The following KMT2E variants were observed in gnomAD, a reference collection of about 807,000 sequenced individuals.
The protein encoded by KMT2E is lysine methyltransferase 2E (inactive).
A neutral mutation model predicts 184.6 loss-of-function variants in KMT2E; 30 were observed. The ratio of observed to expected loss-of-function variants is 0.16; its 90% CI spans 0.12 to 0.22. KMT2E has a LOEUF of 0.22. KMT2E is among the 10% of genes least tolerant of loss of function. The probability of loss-of-function intolerance (pLI) is 1.00; values close to 1 mark genes in which losing one functional copy is unlikely to be tolerated. For synonymous variants in KMT2E, 815 were observed against 776.5 expected (o/e 1.05, Z -0.82); for missense variants, 2,023 against 2,237.4 (o/e 0.90, Z 1.93).
intron 1 of KMT2E, among the ~76,000 whole-genome samples, chr7:105,025,710 A>G (rs1346315319): frequency 6.6e-6 from 1 of 152,178 alleles, no homozygotes; most frequent in African/African-American, 2.4e-5. Flanking sequence ...ATATTATTCT[A>G]CTAAGTATTA....
intron 1 of KMT2E, among the ~76,000 whole-genome samples, chr7:105,020,182 G>C (rs1321080022): frequency 6.6e-6 from 1 of 151,646 alleles, no homozygotes; most frequent in African/African-American, 2.4e-5. Context: ...TGAGAAAGAT[G>C]ATATTGTGTA....
rs569517503 is a variant in KMT2E at position 105,102,778 on chromosome 7, A to G, written c.2196+584A>G. ...TACAGCAGATTGGGGCAGAGATACTAAAGTGTGGTAATCCTTATGCTGTTT... is the reference window on the plus strand; with the variant it reads ...TACAGCAGATTGGGGCAGAGATACTGAAGTGTGGTAATCCTTATGCTGTTT... On this transcript the variant is annotated intron_variant, in intron 17 of 26. Coordinates refer to ENST00000311117, the MANE Select transcript of KMT2E (RefSeq NM_182931.3). The G allele has an allele frequency of 3.3e-5, 5 of 152,820 alleles. No individual in the cohort carries two copies. In the East Asian group the frequency reaches 7.7e-4, roughly 23 times the overall value. 9.5% of individuals were successfully genotyped at this position (152,820 alleles called of 1,614,324 possible).
intron 1 of KMT2E, among the ~76,000 whole-genome samples, chr7:105,019,290 G>A (rs1373345479): frequency 6.6e-6 from 1 of 152,090 alleles, no homozygotes; most frequent in Non-Finnish European, 1.5e-5. Flanking sequence ...GAGATAACAT[G>A]TTTTCACTTG....
intron 3 of KMT2E, among the ~76,000 whole-genome samples, chr7:105,061,041 A>G (rs578104214): frequency 2.6e-5 from 4 of 152,268 alleles, no homozygotes; most frequent in East Asian, 3.9e-4. Context: ...ACTCTTCACA[A>G]TCTCCTTTAG....
In KMT2E at chr7:105,077,341, A is replaced by T; in HGVS notation, c.1038A>T (p.Ala346=). ...AGAATAAGAAAATTCTTAAATCTGCAAAAGATTTGCCTCCTGATGCACTTA... is the reference window on the plus strand; with the variant it reads ...AGAATAAGAAAATTCTTAAATCTGCTAAAGATTTGCCTCCTGATGCACTTA... ...IQKNKKILKS[A]KDLPPDALII... The change falls in exon 11 of 27, where the codon GCA becomes GCT. Residue 346 remains alanine, a synonymous_variant. Coordinates refer to ENST00000311117, the MANE Select transcript of KMT2E (RefSeq NM_182931.3). 6.2e-7 allele frequency: 1 copy of T among 1,611,010 alleles called. No homozygotes were observed. The highest frequency in any genetic ancestry group is 2.2e-5 in the East Asian group (1 of 44,796).
rs796222876 is a variant in KMT2E, at chr7:105,023,423, G to A, written c.-189+8888G>A. Among the ~76,000 whole-genome samples the A allele has an allele frequency of 6.9e-3, 801 of 115,654 alleles. 13 individuals are homozygous for A. The East Asian group carries it at 0.085, about 12-fold the overall frequency. 75.9% of individuals were successfully genotyped at this position (115,654 alleles called of 152,430 possible). ...GTCTCAAAAAAAAAAAAAAAAAAAA[G>A]AGAGACAAAAATTCATTAAGCAATT... On this transcript the variant is annotated intron_variant, in intron 1 of 26. Transcript: ENST00000311117.
intron 3 of KMT2E, among the ~76,000 whole-genome samples, chr7:105,061,418 G>A (rs1367661021): frequency 6.6e-6 from 1 of 152,180 alleles, no homozygotes; most frequent in African/African-American, 2.4e-5. Context: ...ATTTTAGTGT[G>A]AACTGACCTC....
intron 5 of KMT2E, among the ~76,000 whole-genome samples, chr7:105,066,014 A>G (rs532185574): frequency 3.3e-5 from 5 of 152,196 alleles, no homozygotes; most frequent in Admixed American, 3.3e-4. Context: ...ACATTCTTTA[A>G]CTTATTTTTC....
In KMT2E at chr7:105,112,638, C is replaced by A. The variant is rs1256437896; in HGVS notation, c.4882C>A (p.Pro1628Thr). Reference sequence around the variant, plus strand: ...TCAAACTGCTGCTGCCGTAGTCCCCCCTCCTCCTCCACCACCACCTGCTCC... The same window carrying A: ...TCAAACTGCTGCTGCCGTAGTCCCCACTCCTCCTCCACCACCACCTGCTCC... ...HHQTAAAVVP[P>T]PPPPPPAPGP... is the part of the protein sequence containing the mutation. The change falls in exon 27 of 27, where the codon CCT becomes ACT. Residue 1628 changes from proline (P) to threonine (T), a missense_variant. By Grantham distance (38) the Pro-to-Thr change is conservative (BLOSUM62 -1). This residue lies in a region of KMT2E where 1,108 missense variants were observed against 1,050.9 expected (regional missense o/e 1.05). Coordinates refer to ENST00000311117, the MANE Select transcript of KMT2E (RefSeq NM_182931.3). The A allele has an allele frequency of 6.2e-7, 1 of 1,613,916 alleles. No homozygotes were observed. Among genetic ancestry groups the A allele is most frequent in the Non-Finnish European group, 8.5e-7 (1 of 1,179,958 alleles).
intron 3 of KMT2E, among the ~76,000 whole-genome samples, chr7:105,051,192 C>G (rs1321091384): frequency 6.7e-6 from 1 of 148,786 alleles, no homozygotes; most frequent in African/African-American, 2.5e-5. Flanking sequence ...TTCCTTCCTT[C>G]CTTCCTTTTT....
intron 13 of KMT2E, among the ~76,000 whole-genome samples, chr7:105,082,284 A>G (rs1230188050): frequency 5.3e-5 from 8 of 152,204 alleles, no homozygotes; most frequent in South Asian, 2.1e-4. Context: ...GATAAATCTC[A>G]GTACAGTTGG....
At chr7:105,100,380 CTG>C (rs1798600345) in intron 15 of KMT2E, among the ~76,000 whole-genome samples, 1 of 152,310 alleles carries the variant, frequency 6.6e-6, no homozygotes, top group East Asian at 1.9e-4. Flanking sequence ...ATTGAGAAGA[CTG>C]TGGCATCCAG....
intron 13 of KMT2E, among the ~76,000 whole-genome samples, chr7:105,082,839 C>T (rs1361426944): frequency 2.6e-5 from 4 of 152,176 alleles, no homozygotes; most frequent in Non-Finnish European, 5.9e-5. Context: ...AAAAATCAGT[C>T]TTGAAAACAA....
At chr7:105,049,786 G>A (rs935231191) in intron 3 of KMT2E, among the ~76,000 whole-genome samples, 14 of 152,044 alleles carry the variant, frequency 9.2e-5, no homozygotes, top group African/African-American at 2.9e-4. Context: ...CAGCTACTCG[G>A]AGGCACACGC....
chr7:105,102,167 T>C lies in KMT2E; in HGVS notation c.2169T>C (p.Cys723=). The change falls in exon 17 of 27, where the codon TGT becomes TGC. Residue 723 remains cysteine, a synonymous_variant. Coordinates refer to ENST00000311117, the MANE Select transcript of KMT2E (RefSeq NM_182931.3). ...CTGAAGTTCCAGCACTTAATAAATG[T>C]CCTACCAAGTACCCCAAAACAAAGA... The part of the protein sequence containing the change: ...TETEVPALNK[C]PTKYPKTKKH... 6.2e-7 allele frequency: 1 copy of C among 1,609,548 alleles called. No individual in the cohort carries two copies. The highest frequency in any genetic ancestry group is 2.2e-5 in the East Asian group (1 of 44,718).
chr7:105,079,537 T>TC (rs1487900622), intron 12 of KMT2E, among the ~76,000 whole-genome samples: 23 of 137,874 alleles, frequency 1.7e-4, no homozygotes, highest in Non-Finnish European at 3.0e-4. Context: ...TTTTTTTTTT[T>TC]TTTTGAGGCA....
intron 1 of KMT2E, among the ~76,000 whole-genome samples, chr7:105,023,948 T>C (rs1398132920): frequency 6.6e-6 from 1 of 152,140 alleles, no homozygotes; most frequent in Admixed American, 6.5e-5. Context: ...TAAAGAAATA[T>C]ATACTCAGAA....
At position 105,076,178 on chromosome 7, in the gene KMT2E, G is replaced by C. The variant is rs969452988; in HGVS notation, c.768+97G>C. On this transcript the variant is annotated intron_variant, in intron 9 of 26. Coordinates refer to ENST00000311117, the MANE Select transcript of KMT2E (RefSeq NM_182931.3). ...ATCTTTACTTAATGCTCTGTTTATT[G>C]TGTGTCATGTCTTTGCCTATTATCT... 3 of 841,020 alleles carry C rather than the reference G, an allele frequency of 3.6e-6. No individual in the cohort carries two copies. The African/African-American group carries it at 5.1e-5, about 14-fold the overall frequency. 52.1% of individuals were successfully genotyped at this position (841,020 alleles called of 1,614,324 possible).
chr7:105,090,565 A>G (rs942016395), intron 14 of KMT2E, among the ~76,000 whole-genome samples: 14 of 152,208 alleles, frequency 9.2e-5, no homozygotes, highest in Non-Finnish European at 1.9e-4. Context: ...TTCATAATAA[A>G]TGTTCTTATT....
Sources: gnomAD v4.1 joint callset for allele counts (sites outside exome capture counted in the v4.1 genomes callset) on GRCh38, gnomAD v4.1.1 for gene constraint, gnomAD v4.1.1 regional missense constraint, MANE v1.5 for transcripts, NCBI Gene and HGNC (gene_info 2026-07-23, HGNC 2026-07-21) for gene names.